The following AKT3 variants were observed in gnomAD, a reference collection of about 807,000 sequenced individuals.
The protein encoded by AKT3 is RAC-gamma serine/threonine-protein kinase.
AKT3 carries 15 observed loss-of-function variants against 65.3 expected under a neutral mutation model. The ratio of observed to expected loss-of-function variants is 0.23; its 90% CI spans 0.15 to 0.35. AKT3 has a LOEUF of 0.35. AKT3 is among the 10% of genes least tolerant of loss of function. The pLI is 1.00. For synonymous variants in AKT3, 206 were observed against 183.8 expected, an observed-to-expected ratio of 1.12 and a Z score of -0.98; for missense variants, 243 against 576.5, an observed-to-expected ratio of 0.42 and a Z score of 5.92.
chr1:243,844,327 G>A lies in AKT3; in HGVS notation c.-112-1045C>T, dbSNP rs372628573. 7.9e-5 allele frequency among the ~76,000 whole-genome samples: 12 copies of A among 152,284 alleles called. No homozygotes were observed. In the East Asian group the frequency reaches 9.7e-4, roughly 12 times the overall value. ...TGAACCCAGGCTGTCTGACTCCAGA[G>A]CCTGCATTCCAAAACTATACTGCCT... On this transcript the variant is annotated intron_variant, in intron 1 of 13. Transcript: ENST00000673466.
intron 2 of AKT3, among the ~76,000 whole-genome samples, chr1:243,706,030 A>G (rs1052015076): frequency 9.2e-5 from 14 of 152,200 alleles, no homozygotes; most frequent in African/African-American, 3.1e-4. Flanking sequence ...CTTATTGTAA[A>G]TATTTCCCAT....
At chr1:243,682,521 A>G (rs367672179) in intron 3 of AKT3, among the ~76,000 whole-genome samples, 26 of 152,226 alleles carry the variant, frequency 1.7e-4, no homozygotes, top group East Asian at 5.8e-4. Context: ...GTAAGCTAAC[A>G]AACAGGGTAG....
chr1:243,770,117 T>C (rs948391880), intron 2 of AKT3, among the ~76,000 whole-genome samples: 6 of 152,206 alleles, frequency 3.9e-5, no homozygotes, highest in East Asian at 3.8e-4. Context: ...ATTAGCCATA[T>C]ATGTATGGTT....
rs1366657857 is a variant in AKT3 at position 243,610,711 on chromosome 1, C to G, written c.696+2960G>C. 2.0e-5 allele frequency among the ~76,000 whole-genome samples: 3 copies of G among 152,284 alleles called. No homozygotes were observed. In the East Asian group the frequency reaches 5.8e-4, roughly 29 times the overall value. ...TCCCTGGCCACTCAGTTTATTTTCCCAAAGACAAGCACTAATACCCAGTGC... is the reference window on the plus strand; with the variant it reads ...TCCCTGGCCACTCAGTTTATTTTCCGAAAGACAAGCACTAATACCCAGTGC... On this transcript the variant is annotated intron_variant, in intron 8 of 13. Transcript: ENST00000673466.
chr1:243,709,346 C>T (rs1333404238), intron 2 of AKT3, among the ~76,000 whole-genome samples: 2 of 149,746 alleles, frequency 1.3e-5, no homozygotes, highest in African/African-American at 4.9e-5. Flanking sequence ...AGCAGGTAAA[C>T]AGCAAATTTA....
intron 4 of AKT3, among the ~76,000 whole-genome samples, chr1:243,648,991 C>G (rs764812473): frequency 6.6e-6 from 1 of 151,850 alleles, no homozygotes; most frequent in South Asian, 2.1e-4. Flanking sequence ...CTTAAGTTAA[C>G]GATGTGAGAA....
chr1:243,728,085 G>A (rs531289184), intron 2 of AKT3, among the ~76,000 whole-genome samples: 63 of 152,314 alleles, frequency 4.1e-4, no homozygotes, highest in Non-Finnish European at 7.1e-4. Context: ...CACAGTGTAC[G>A]TTAACATGAC....
intron 3 of AKT3, among the ~76,000 whole-genome samples, chr1:243,669,661 A>G (rs574480071): frequency 6.6e-6 from 1 of 152,336 alleles, no homozygotes; most frequent in South Asian, 2.1e-4. Flanking sequence ...TATAATTTAA[A>G]GAACTTCTCA....
rs1217091392 is a variant in AKT3, at chr1:243,769,662, G to C, written c.46+73463C>G. Among the ~76,000 whole-genome samples the C allele has an allele frequency of 2.6e-5, 4 of 152,090 alleles. No homozygotes were observed. In the East Asian group the frequency reaches 7.7e-4, roughly 29 times the overall value. ...TTGTCTTTTCATTGTTGAGATATAA[G>C]AATTTTTAATATATTCTGGATACTA... On this transcript the variant is annotated intron_variant, in intron 2 of 13. Transcript: ENST00000673466.
At chr1:243,649,230 G>T (rs1681079657) in intron 4 of AKT3, among the ~76,000 whole-genome samples, 1 of 151,080 alleles carries the variant, frequency 6.6e-6, no homozygotes, top group Admixed American at 6.6e-5. Context: ...TAATTCTGTG[G>T]ATTACAGAAC....
At chr1:243,668,845 G>T (rs1682978791) in intron 3 of AKT3, among the ~76,000 whole-genome samples, 1 of 152,132 alleles carries the variant, frequency 6.6e-6, no homozygotes, top group African/African-American at 2.4e-5. Context: ...GGGTATGGAG[G>T]AAAGTGAGAA....
downstream of AKT3, among the ~76,000 whole-genome samples, chr1:243,496,304 A>G (rs1246930067): frequency 6.6e-6 from 1 of 152,176 alleles, no homozygotes; most frequent in African/African-American, 2.4e-5. Context: ...ACAGCTGCCG[A>G]GCCCTGGCCC....
rs115638572 is a variant in AKT3, at chr1:243,693,855, G to A, written c.172+1736C>T. On this transcript the variant is annotated intron_variant, in intron 3 of 13. Transcript: ENST00000673466. ...TACTAATACTTTTTAAAACTAAGGA[G>A]CCAACCTACAACTTACTTGTTAGTT... is the stretch of plus-strand genomic sequence containing the variant. Among the ~76,000 whole-genome samples the A allele has an allele frequency of 3.7e-3, 562 of 152,236 alleles. 2 individuals carry two copies. Among genetic ancestry groups the A allele is most frequent in the Admixed American group, 6.1e-3 (93 of 15,284 alleles).
chr1:243,747,295 A>G (rs1177833887), intron 2 of AKT3, among the ~76,000 whole-genome samples: 1 of 152,242 alleles, frequency 6.6e-6, no homozygotes, highest in Non-Finnish European at 1.5e-5. Context: ...CAAAAATGTC[A>G]GAAGTTTCAT....
At chr1:243,693,773 A>T (rs1275285560) in intron 3 of AKT3, among the ~76,000 whole-genome samples, 1 of 152,198 alleles carries the variant, frequency 6.6e-6, no homozygotes, top group Non-Finnish European at 1.5e-5. Flanking sequence ...AGATTGCGGT[A>T]AGTCAAGCTT....
At chr1:243,639,803 C>G (rs1484554530) in intron 5 of AKT3, among the ~76,000 whole-genome samples, 1 of 152,088 alleles carries the variant, frequency 6.6e-6, no homozygotes, top group Non-Finnish European at 1.5e-5. Flanking sequence ...GAGTAGCCAC[C>G]CTTTCATTCT....
At chr1:243,693,622 G>T (rs181805995) in intron 3 of AKT3, among the ~76,000 whole-genome samples, 75 of 152,050 alleles carry the variant, frequency 4.9e-4, no homozygotes, top group African/African-American at 1.8e-3. Flanking sequence ...ACTACATAAA[G>T]ATCAGAGTTT....
chr1:243,518,653 G>C (rs1670516310), intron 12 of AKT3, among the ~76,000 whole-genome samples: 2 of 152,076 alleles, frequency 1.3e-5, no homozygotes, highest in African/African-American at 2.4e-5. Flanking sequence ...CACAGTACTT[G>C]AACAGAAGCA....
At chr1:243,510,103 T>A (rs1204708104) in intron 13 of AKT3, among the ~76,000 whole-genome samples, 1 of 152,198 alleles carries the variant, frequency 6.6e-6, no homozygotes, top group Non-Finnish European at 1.5e-5. Flanking sequence ...AAATGCCAAA[T>A]GCTCTATTTA....
Sources: allele counts gnomAD v4.1 joint callset (sites outside exome capture counted in the v4.1 genomes callset), GRCh38; gene constraint gnomAD v4.1.1; transcripts MANE v1.5; gene names NCBI Gene and HGNC (gene_info 2026-07-23, HGNC 2026-07-21).